The following DCAF8L2 variants were observed in gnomAD, a reference collection of about 807,000 sequenced individuals.
The protein encoded by DCAF8L2 is DDB1 and CUL4 associated factor 8 like 2.
For missense variants in DCAF8L2, 430 were observed against 490.7 expected, an observed-to-expected ratio of 0.88 and a Z score of 1.17; for synonymous variants, 200 against 190.9, an observed-to-expected ratio of 1.05 and a Z score of -0.39.
chrX:27,587,094 G>A (rs1480671382), upstream of DCAF8L2, among the ~76,000 whole-genome samples: 2 of 110,112 alleles, frequency 1.8e-5, no homozygotes, highest in African/African-American at 3.3e-5. Context: ...TTTTTAAAAT[G>A]TCTTGCCAAC....
At chrX:27,530,518 G>A in the DCAF8L2 span, among the ~76,000 whole-genome samples, 2 of 111,066 alleles carry the variant, frequency 1.8e-5, no homozygotes, top group South Asian at 3.8e-4. Flanking sequence ...GCTACTGCAC[G>A]TCATCTGGTG....
At chrX:27,689,073 C>G (rs988588324) in intron 3 of DCAF8L2, among the ~76,000 whole-genome samples, 6 of 112,164 alleles carry the variant, frequency 5.3e-5, no homozygotes, top group African/African-American at 1.9e-4. Context: ...TGCTATGATT[C>G]TAAATCATTC....
At chrX:27,621,787 G>A (rs1927772254) in intron 1 of DCAF8L2, among the ~76,000 whole-genome samples, 1 of 110,670 alleles carries the variant, frequency 9.0e-6, no homozygotes, top group Admixed American at 9.7e-5. Context: ...CCATCCAGAA[G>A]TTCGAGACAA....
intron 4 of DCAF8L2, among the ~76,000 whole-genome samples, chrX:27,723,729 A>G (rs1931979453): frequency 2.7e-5 from 3 of 111,386 alleles, no homozygotes; most frequent in Admixed American, 9.6e-5. Context: ...TTGTCCTGCA[A>G]AAATGCTCAT....
At chrX:27,516,708 A>C in the DCAF8L2 span, among the ~76,000 whole-genome samples, 1 of 111,572 alleles carries the variant, frequency 9.0e-6, no homozygotes, top group African/African-American at 3.3e-5. Flanking sequence ...GATTGAGACT[A>C]TCGTTATGAA....
At chrX:27,593,922 A>G (rs1926231678) in intron 1 of DCAF8L2, among the ~76,000 whole-genome samples, 1 of 112,388 alleles carries the variant, frequency 8.9e-6, no homozygotes, top group Non-Finnish European at 1.9e-5. Context: ...CCATTTATTC[A>G]TTAAAAAAGC....
At chrX:27,502,276 G>A in the DCAF8L2 span, among the ~76,000 whole-genome samples, 4 of 87,964 alleles carry the variant, frequency 4.5e-5, no homozygotes, top group East Asian at 3.9e-4. Context: ...AGTCGAGATC[G>A]TGCCACTGCA....
At chrX:27,520,598 T>C in the DCAF8L2 span, among the ~76,000 whole-genome samples, 1 of 112,011 alleles carries the variant, frequency 8.9e-6, no homozygotes, top group Non-Finnish European at 1.9e-5. Flanking sequence ...TAATTTCTTC[T>C]GTCTTCAAAT....
chrX:27,575,017 G>A, the DCAF8L2 span, among the ~76,000 whole-genome samples: 13 of 111,683 alleles, frequency 1.2e-4, no homozygotes, highest in African/African-American at 3.9e-4. Context: ...ATCGGATCAC[G>A]CGTGGGCTTG....
At chrX:27,591,016 A>ATAT (rs1569153314) in intron 1 of DCAF8L2, among the ~76,000 whole-genome samples, 2 of 44,737 alleles carry the variant, frequency 4.5e-5, no homozygotes, top group African/African-American at 1.1e-4. Context: ...TATATATATA[A>ATAT]ATAAATAATT....
chrX:27,638,892 C>A (rs753552903), intron 2 of DCAF8L2, among the ~76,000 whole-genome samples: 91 of 111,429 alleles, frequency 8.2e-4, no homozygotes, highest in South Asian at 2.7e-3. Flanking sequence ...GGGGATGGAG[C>A]CTGAGAATGC....
At chrX:27,619,004 A>AATCTATCTATCT (rs57635575) in intron 1 of DCAF8L2, among the ~76,000 whole-genome samples, 399 of 101,673 alleles carry the variant, frequency 3.9e-3, no homozygotes, top group African/African-American at 8.0e-3. Flanking sequence ...ATCTATATCT[A>AATCTATCTATCT]ATCTATCTAT....
At chrX:27,715,536 C>T (rs981056287) in intron 3 of DCAF8L2, among the ~76,000 whole-genome samples, 4 of 111,487 alleles carry the variant, frequency 3.6e-5, no homozygotes, top group Non-Finnish European at 7.5e-5. Context: ...GGATCTCTGC[C>T]TTCTCATCTG....
At chrX:27,563,041 T>C in the DCAF8L2 span, among the ~76,000 whole-genome samples, 80 of 112,037 alleles carry the variant, frequency 7.1e-4, no homozygotes, top group Non-Finnish European at 1.1e-3. Flanking sequence ...ATATGAAGTG[T>C]TGATAGATAA....
rs143609730 is a variant in DCAF8L2, at chrX:27,690,943, T to C, written c.-143+13031T>C. On this transcript the variant is annotated intron_variant, in intron 3 of 4. Transcript: ENST00000451261. Reference sequence around the variant, plus strand: ...CAAATTGAGAGCATAAAGGCTCATGTCTATTAATATTCCCATGTGTCATCA... The same window carrying C: ...CAAATTGAGAGCATAAAGGCTCATGCCTATTAATATTCCCATGTGTCATCA... Among the ~76,000 whole-genome samples the C allele has an allele frequency of 4.3e-3, 480 of 111,889 alleles. 8 individuals carry two copies. Among genetic ancestry groups the C allele is most frequent in the Admixed American group, 0.031 (321 of 10,497 alleles).
chrX:27,553,663 T>A, the DCAF8L2 span, among the ~76,000 whole-genome samples: 1 of 111,633 alleles, frequency 9.0e-6, no homozygotes, highest in Non-Finnish European at 1.9e-5. Flanking sequence ...GTGAATTTCT[T>A]GACTCAATGT....
the DCAF8L2 span, among the ~76,000 whole-genome samples, chrX:27,526,915 T>A: frequency 2.7e-5 from 3 of 112,539 alleles, no homozygotes; most frequent in Admixed American, 1.9e-4. Context: ...CCCAGCTGTG[T>A]GAGGTGTCAG....
the DCAF8L2 span, chrX:27,517,772 G>A: frequency 8.8e-7 from 1 of 1,141,530 alleles, no homozygotes; most frequent in Non-Finnish European, 1.2e-6. Flanking sequence ...CTCTCACATT[G>A]CTTCAAACTC....
the DCAF8L2 span, among the ~76,000 whole-genome samples, chrX:27,513,032 G>A: frequency 9.0e-6 from 1 of 111,194 alleles, no homozygotes; most frequent in Non-Finnish European, 1.9e-5. Context: ...TGGGACAACT[G>A]TATATCCACA....
Sources: allele counts gnomAD v4.1 joint callset (sites outside exome capture counted in the v4.1 genomes callset), GRCh38; gene constraint gnomAD v4.1.1; transcripts MANE v1.5; gene names NCBI Gene and HGNC (gene_info 2026-07-23, HGNC 2026-07-21).